The following CADM1 variants were observed in gnomAD, a reference collection of about 807,000 sequenced individuals.
CADM1 encodes TSLC-1.
A neutral mutation model predicts 53.1 loss-of-function variants in CADM1; 15 were observed. That is an observed-to-expected ratio of 0.28 (90% CI 0.19 to 0.44). CADM1 has a LOEUF of 0.44. CADM1 is among the 20% of genes least tolerant of loss of function. CADM1 has a pLI of 1.00. For synonymous variants in CADM1, 281 were observed against 243.0 expected, an observed-to-expected ratio of 1.16 and a Z score of -1.45; for missense variants, 434 against 611.3, an observed-to-expected ratio of 0.71 and a Z score of 3.06.
chr11:115,179,710 C>A (rs1167134941), intron 10 of CADM1, among the ~76,000 whole-genome samples: 2 of 152,150 alleles, frequency 1.3e-5, no homozygotes, highest in Non-Finnish European at 2.9e-5. Flanking sequence ...GGAGTGGAAG[C>A]TAAACCATTG....
At position 115,209,598 on chromosome 11, in the gene CADM1, T is replaced by C. The variant is rs538254358; in HGVS notation, c.1054A>G (p.Thr352Ala). 42 of 1,551,416 alleles carry C rather than the reference T, an allele frequency of 2.7e-5. No individual in the cohort carries two copies. In the South Asian group the frequency reaches 3.9e-4, roughly 14 times the overall value. ...CCTGTGATGATGGTAAGGATGGTGG[T>C]GGTGGTGGTGGTGGTGGTGGTGGTG... ...TTTTTTTTTT[T>A]TILTIITDTT... Residue 352 changes from threonine (T) to alanine (A), a missense_variant, in exon 8 of 12, where the codon ACC becomes GCC. Physicochemically the swap from Thr to Ala is moderately conservative, Grantham distance 58 (BLOSUM62 0). Transcript: ENST00000331581.
At chr11:115,264,029 C>A (rs559748727) in intron 1 of CADM1, among the ~76,000 whole-genome samples, 1 of 152,120 alleles carries the variant, frequency 6.6e-6, no homozygotes, top group African/African-American at 2.4e-5. Flanking sequence ...AAGATGAGAT[C>A]GAGAGTCAAA....
At chr11:115,460,114 C>A (rs1437523696) in intron 1 of CADM1, among the ~76,000 whole-genome samples, 1 of 151,964 alleles carries the variant, frequency 6.6e-6, no homozygotes, top group East Asian at 1.9e-4. Context: ...AGAAAGCCCC[C>A]CTACCTTCCA....
chr11:115,264,257 G>A (rs1191605987), intron 1 of CADM1, among the ~76,000 whole-genome samples: 1 of 152,126 alleles, frequency 6.6e-6, no homozygotes, highest in African/African-American at 2.4e-5. Flanking sequence ...AAATACAAAC[G>A]GAACTTCCTT....
At chr11:115,476,269 A>T (rs1054826618) in intron 1 of CADM1, among the ~76,000 whole-genome samples, 1 of 152,228 alleles carries the variant, frequency 6.6e-6, no homozygotes, top group Non-Finnish European at 1.5e-5. Flanking sequence ...TAATATAAAA[A>T]CAAAGGTTAA....
At chr11:115,279,951 C>A (rs1205724731) in intron 1 of CADM1, among the ~76,000 whole-genome samples, 2 of 152,210 alleles carry the variant, frequency 1.3e-5, no homozygotes, top group South Asian at 2.1e-4. Context: ...GCGTGACTCG[C>A]ATACTGCACA....
chr11:115,410,079 G>A (rs1305729535), intron 1 of CADM1, among the ~76,000 whole-genome samples: 1 of 152,204 alleles, frequency 6.6e-6, no homozygotes, highest in African/African-American at 2.4e-5. Context: ...TACACTGTTA[G>A]TTATTGGGCC....
chr11:115,485,483 C>T (rs1949353761), intron 1 of CADM1, among the ~76,000 whole-genome samples: 1 of 152,222 alleles, frequency 6.6e-6, no homozygotes, highest in East Asian at 1.9e-4. Flanking sequence ...TGAATTGTAG[C>T]TCCTGTAATT....
intron 6 of CADM1, among the ~76,000 whole-genome samples, chr11:115,216,913 T>C (rs1445793716): frequency 6.6e-6 from 1 of 152,162 alleles, no homozygotes; most frequent in East Asian, 1.9e-4. Flanking sequence ...ATTCTTTATA[T>C]GAAAACTGTG....
intron 1 of CADM1, among the ~76,000 whole-genome samples, chr11:115,406,921 G>A (rs1947329705): frequency 1.3e-5 from 2 of 150,512 alleles, no homozygotes; most frequent in South Asian, 4.2e-4. Context: ...TTGCACTCCA[G>A]CCTGGGCAAC....
chr11:115,475,562 A>T (rs1318937106), intron 1 of CADM1, among the ~76,000 whole-genome samples: 1 of 152,224 alleles, frequency 6.6e-6, no homozygotes, highest in Non-Finnish European at 1.5e-5. Context: ...GTACATCCAT[A>T]CACCAGTGGA....
intron 1 of CADM1, among the ~76,000 whole-genome samples, chr11:115,268,009 G>A (rs559237193): frequency 1.3e-5 from 2 of 152,312 alleles, no homozygotes; most frequent in Admixed American, 6.5e-5. Flanking sequence ...GCTCAGAGAA[G>A]CAGTGGTTTC....
At chr11:115,176,684 G>A in intron 11 of CADM1, 92 bp from the exon 12 acceptor site, 1 of 1,058,484 alleles carries the variant, frequency 9.4e-7, no homozygotes, top group Non-Finnish European at 1.5e-6. Flanking sequence ...GCCATCATCA[G>A]CCGAAGTGGT....
intron 1 of CADM1, among the ~76,000 whole-genome samples, chr11:115,445,525 C>G (rs1948429274): frequency 6.6e-6 from 1 of 151,868 alleles, no homozygotes; most frequent in Admixed American, 6.6e-5. Context: ...AATCAAAGAA[C>G]CGTGTAGCCC....
chr11:115,187,899 C>T (rs530489077), intron 10 of CADM1, among the ~76,000 whole-genome samples: 1 of 152,262 alleles, frequency 6.6e-6, no homozygotes, highest in East Asian at 1.9e-4. Flanking sequence ...TCGTGAGGGA[C>T]ATGTTGTAGG....
chr11:115,400,606 A>T (rs1316166930), intron 1 of CADM1, among the ~76,000 whole-genome samples: 1 of 137,218 alleles, frequency 7.3e-6, no homozygotes, highest in African/African-American at 2.8e-5. Flanking sequence ...TCATATATAT[A>T]ATATATATCT....
chr11:115,234,200 T>A (rs980076142), intron 3 of CADM1, among the ~76,000 whole-genome samples: 12 of 152,228 alleles, frequency 7.9e-5, no homozygotes, highest in Non-Finnish European at 1.2e-4. Context: ...TAACCTTCAC[T>A]ACCTCGTTCA....
At chr11:115,418,659 C>T (rs1247037802) in intron 1 of CADM1, among the ~76,000 whole-genome samples, 1 of 152,090 alleles carries the variant, frequency 6.6e-6, no homozygotes, top group Non-Finnish European at 1.5e-5. Context: ...TAGCCCAAAC[C>T]CCAATGTTTG....
chr11:115,234,206 G>C (rs760685996), intron 3 of CADM1, among the ~76,000 whole-genome samples: 1 of 151,884 alleles, frequency 6.6e-6, no homozygotes, highest in African/African-American at 2.4e-5. Context: ...TCACTACCTC[G>C]TTCATCTTCA....
Sources: gnomAD v4.1 joint callset for allele counts (sites outside exome capture counted in the v4.1 genomes callset) on GRCh38, gnomAD v4.1.1 for gene constraint, MANE v1.5 for transcripts, NCBI Gene and HGNC (gene_info 2026-07-23, HGNC 2026-07-21) for gene names.